ABCB11: variants seen among roughly 807,000 people sequenced by gnomAD.
ABCB11 encodes ATP binding cassette subfamily B member 11.
Under a neutral mutation model 148.0 loss-of-function variants are expected in ABCB11, and 95 were observed. That is an observed-to-expected ratio of 0.64 (90% CI 0.54 to 0.76). ABCB11 has a LOEUF of 0.76. ABCB11 is among the 30% of genes least tolerant of loss of function. ABCB11 has a pLI of 0.00. For synonymous variants in ABCB11, 591 were observed against 555.4 expected, an observed-to-expected ratio of 1.06 and a Z score of -0.90; for missense variants, 1,523 against 1,617.8, an observed-to-expected ratio of 0.94 and a Z score of 1.01.
chr2:168,944,526 T>C, intron 21 of ABCB11, 79 bp downstream of exon 21: 2 of 1,434,666 alleles, frequency 1.4e-6, no homozygotes, highest in Non-Finnish European at 9.4e-7. Flanking sequence ...ATAGAAAACA[T>C]GCAGGTGATT....
rs1693010122 is a variant in ABCB11 at position 168,960,243 on chromosome 2, A to G, written c.2179-2115T>C. On this transcript the variant is annotated intron_variant, in intron 18 of 27. Coordinates refer to ENST00000650372, the MANE Select transcript of ABCB11 (RefSeq NM_003742.4). ...GTAATTCTGGTAACCAAAGTTCAGT[A>G]TGTGAGAACTCCAAGGCTCCTCTCA... Among the ~76,000 whole-genome samples, 3 of 151,726 alleles carry G rather than the reference A, an allele frequency of 2.0e-5. No individual in the cohort carries two copies. The South Asian group carries it at 6.2e-4, about 31-fold the overall frequency.
At chr2:169,009,598 G>A (rs1695121906) in intron 5 of ABCB11, among the ~76,000 whole-genome samples, 1 of 114,256 alleles carries the variant, frequency 8.8e-6, no homozygotes, top group African/African-American at 3.3e-5. Context: ...GGAGGGGGGA[G>A]GGATAGCATC....
chr2:168,923,349 G>C lies in ABCB11; in HGVS notation c.*273C>G, dbSNP rs1198020790. The C allele has an allele frequency of 3.8e-6, 2 of 533,114 alleles. No individual in the cohort carries two copies. Among genetic ancestry groups the C allele is most frequent in the Non-Finnish European group, 6.7e-6 (2 of 298,392 alleles). The allele number at this position is 533,114 out of a possible 1,614,324, so 33.0% of individuals were successfully genotyped here. A position where few individuals can be genotyped will look rare whatever the true frequency, so the allele number is the denominator to read the frequency against. On this transcript the variant is annotated 3_prime_UTR_variant, in exon 28 of 28. Coordinates refer to ENST00000650372, the MANE Select transcript of ABCB11 (RefSeq NM_003742.4). ...CTCCTGCACAGAGAAGCACTGAGTG[G>C]TGGCTGAGCTGCCACTTGACATTGG...
At chr2:168,943,158 T>C (rs1425333234) in intron 21 of ABCB11, among the ~76,000 whole-genome samples, 1 of 151,968 alleles carries the variant, frequency 6.6e-6, no homozygotes, top group Non-Finnish European at 1.5e-5. Context: ...AAAAGCTCCT[T>C]GCAGATTGAA....
chr2:169,015,770 T>A (rs1346943717), intron 3 of ABCB11, among the ~76,000 whole-genome samples: 2 of 152,204 alleles, frequency 1.3e-5, no homozygotes, highest in Non-Finnish European at 2.9e-5. Flanking sequence ...TACATTTGAT[T>A]TATTTACAAT....
At chr2:168,985,534 G>GAT (rs751864826) in intron 10 of ABCB11, among the ~76,000 whole-genome samples, 18 of 151,696 alleles carry the variant, frequency 1.2e-4, no homozygotes, top group African/African-American at 2.2e-4. Flanking sequence ...AAGAAACTGT[G>GAT]ATATATATAT....
rs4148768 is a variant in ABCB11 at position 169,030,644 on chromosome 2, G to A, written c.-28+581C>T. Among the ~76,000 whole-genome samples the A allele has an allele frequency of 0.082, 12,516 of 152,096 alleles. 567 individuals carry two copies. The highest frequency in any genetic ancestry group is 0.2 in the East Asian group (1,039 of 5,176). On this transcript the variant is annotated intron_variant, in intron 1 of 27. Coordinates refer to ENST00000650372, the MANE Select transcript of ABCB11 (RefSeq NM_003742.4). The stretch of plus-strand genomic sequence containing the variant: ...GCAATATGTGACTCCCACTGGCTTG[G>A]GTGACCTAAAAACTGAAATTAGATC...
chr2:169,005,703 G>A (rs988638478), intron 5 of ABCB11, among the ~76,000 whole-genome samples: 29 of 152,070 alleles, frequency 1.9e-4, no homozygotes, highest in Admixed American at 9.2e-4. Context: ...TAGATTTTTA[G>A]TGTTCTTACA....
intron 23 of ABCB11, among the ~76,000 whole-genome samples, chr2:168,933,848 G>C (rs1374655830): frequency 1.3e-5 from 2 of 152,094 alleles, no homozygotes; most frequent in Non-Finnish European, 2.9e-5. Context: ...GGGTTCAAGC[G>C]ATTCTCCTTT....
chr2:168,967,709 T>A (rs1574444023), intron 17 of ABCB11, among the ~76,000 whole-genome samples: 1 of 151,986 alleles, frequency 6.6e-6, no homozygotes, highest in East Asian at 1.9e-4. Context: ...AAATCTTGAA[T>A]AACAGTTATA....
chr2:169,008,136 A>T (rs977097092), intron 5 of ABCB11, among the ~76,000 whole-genome samples: 2 of 152,188 alleles, frequency 1.3e-5, no homozygotes, highest in African/African-American at 4.8e-5. Context: ...CCTGCTCCCT[A>T]GGATGGCTAT....
chr2:168,982,168 G>T (rs1351699283), intron 10 of ABCB11, among the ~76,000 whole-genome samples: 1 of 152,124 alleles, frequency 6.6e-6, no homozygotes, highest in East Asian at 1.9e-4. Flanking sequence ...TAAGCTATGG[G>T]TGTGCTGGAG....
At chr2:168,969,267 T>G in intron 16 of ABCB11, 83 bp downstream of exon 16, 2 of 1,279,288 alleles carry the variant, frequency 1.6e-6, no homozygotes, top group Non-Finnish European at 2.2e-6. Context: ...GAACAGTGAG[T>G]ATTGAAATAC....
rs770497192 is a variant in ABCB11 at position 168,986,257 on chromosome 2, C to G, written c.936G>C (p.Gln312His). The G allele has an allele frequency of 6.2e-7, 1 of 1,612,954 alleles. No homozygotes were observed. The highest frequency in any genetic ancestry group is 8.5e-7 in the Non-Finnish European group (1 of 1,179,538). Reference protein sequence around the residue: ...ERYEKNLVFAQRWGIRKGIVM... With the variant: ...ERYEKNLVFAHRWGIRKGIVM... ...CTATTCCTTTTCTAATTCCCCAACGCTGGGCGAACACAAGATTTTTCTCAT... is the reference window on the plus strand; with the variant it reads ...CTATTCCTTTTCTAATTCCCCAACGGTGGGCGAACACAAGATTTTTCTCAT... Residue 312 changes from glutamine to histidine, a missense_variant, in exon 10 of 28, where the codon CAG becomes CAC. Gln to His is a conservative substitution (Grantham distance 24). Coordinates refer to ENST00000650372, the MANE Select transcript of ABCB11 (RefSeq NM_003742.4).
At chr2:169,030,011 A>C (rs962037359) in intron 1 of ABCB11, among the ~76,000 whole-genome samples, 5 of 121,514 alleles carry the variant, frequency 4.1e-5, no homozygotes, top group African/African-American at 6.5e-5. Flanking sequence ...AAGTGCTGAG[A>C]TTACAGGCGT....
At chr2:169,002,509 T>G (rs1694906539) in intron 5 of ABCB11, among the ~76,000 whole-genome samples, 1 of 152,192 alleles carries the variant, frequency 6.6e-6, no homozygotes. Context: ...CCATGCACAC[T>G]GCAGCATTAC....
intron 8 of ABCB11, among the ~76,000 whole-genome samples, chr2:168,993,365 T>C (rs952755584): frequency 1.3e-5 from 2 of 152,012 alleles, no homozygotes; most frequent in Non-Finnish European, 2.9e-5. Context: ...CCCTTACCTT[T>C]CTGAGCCTAG....
chr2:169,001,303 C>T (rs1364066539), intron 5 of ABCB11, among the ~76,000 whole-genome samples: 1 of 152,136 alleles, frequency 6.6e-6, no homozygotes, highest in East Asian at 1.9e-4. Context: ...ATGTCTAGGA[C>T]TTCTTTTATT....
intron 25 of ABCB11, 50 bp from the exon 26 acceptor site, chr2:168,927,412 T>C: frequency 1.3e-6 from 2 of 1,489,276 alleles, no homozygotes; most frequent in South Asian, 1.2e-5. Flanking sequence ...ATTCCAGCAG[T>C]GAGGAAAGTT....
Sources: allele counts gnomAD v4.1 joint callset (sites outside exome capture counted in the v4.1 genomes callset), GRCh38; gene constraint gnomAD v4.1.1; transcripts MANE v1.5; gene names NCBI Gene and HGNC (gene_info 2026-07-23, HGNC 2026-07-21).